Variants in BANP observed in about 807,000 individuals in gnomAD.
BANP encodes protein BANP.
A neutral mutation model predicts 68.1 loss-of-function variants in BANP; 11 were observed. That is an observed-to-expected ratio of 0.16 (90% CI 0.10 to 0.27). The LOEUF (loss-of-function observed/expected upper bound fraction) is 0.27. Among genes scored for constraint, BANP ranks in the 10% least tolerant of loss-of-function variants. The pLI, the probability that BANP is intolerant of heterozygous loss-of-function variation, is 1.00. For missense variants in BANP, 504 were observed against 722.7 expected, an observed-to-expected ratio of 0.70 and a Z score of 3.47; for synonymous variants, 329 against 303.2, an observed-to-expected ratio of 1.09 and a Z score of -0.88.
intron 4 of BANP, 22 bp downstream of exon 4, chr16:87,984,281 G>A (rs768787794): frequency 2.5e-4 from 382 of 1,548,174 alleles, no homozygotes; most frequent in African/African-American, 5.1e-4. Flanking sequence ...CCAGGGTGCC[G>A]GGGCCTTCAG....
rs1419660950 is a variant in BANP, at chr16:88,004,659, G to A, written c.479+248G>A. ...GACTTCTGTGTCTCGTGCTGGCCGG[G>A]GTTGTGGAGGGGGCTGGCTCTGTCT... On this transcript the variant is annotated intron_variant, in intron 5 of 13. Transcript: ENST00000682872. The surrounding 1 kb of genome is among the most constrained non-coding windows in gnomAD (Gnocchi z 7.0). Among the ~76,000 whole-genome samples the A allele has an allele frequency of 6.6e-6, 1 of 152,170 alleles. No individual in the cohort carries two copies. The highest frequency in any genetic ancestry group is 2.4e-5 in the African/African-American group (1 of 41,438).
chr16:88,066,907 C>T (rs573556675), intron 12 of BANP, among the ~76,000 whole-genome samples: 9 of 152,300 alleles, frequency 5.9e-5, no homozygotes, highest in African/African-American at 1.2e-4. Flanking sequence ...AGTGGCTGTG[C>T]GAGGCTGGGT....
chr16:87,961,446 G>A (rs544909520), intron 1 of BANP, among the ~76,000 whole-genome samples: 3 of 143,304 alleles, frequency 2.1e-5, no homozygotes, highest in African/African-American at 7.6e-5. Context: ...GATTACGGGC[G>A]TGAGCCACTT....
At chr16:87,963,211 G>C (rs570374581) in intron 1 of BANP, among the ~76,000 whole-genome samples, 1 of 152,172 alleles carries the variant, frequency 6.6e-6, no homozygotes, top group Admixed American at 6.5e-5. Flanking sequence ...CTTGGTGGCC[G>C]TGGTCCCTTC....
chr16:88,046,832 C>T (rs892752441), intron 11 of BANP, among the ~76,000 whole-genome samples: 2 of 151,932 alleles, frequency 1.3e-5, no homozygotes, highest in Non-Finnish European at 2.9e-5. Context: ...TTTAGGAGGC[C>T]GAGGCGGGCA....
chr16:88,012,719 G>C (rs958487431), intron 6 of BANP, among the ~76,000 whole-genome samples: 1 of 152,204 alleles, frequency 6.6e-6, no homozygotes, highest in African/African-American at 2.4e-5. Flanking sequence ...ACAACACACA[G>C]ATAACATTTG....
intron 4 of BANP, among the ~76,000 whole-genome samples, chr16:87,985,469 G>T (rs1266222040): frequency 6.6e-6 from 1 of 152,146 alleles, no homozygotes; most frequent in Non-Finnish European, 1.5e-5. Flanking sequence ...CAGGTCAGGT[G>T]TGCAAAGCTG....
At chr16:88,026,570 TA>T (rs1368261140) in intron 7 of BANP, among the ~76,000 whole-genome samples, 1 of 150,388 alleles carries the variant, frequency 6.6e-6, no homozygotes, top group Non-Finnish European at 1.5e-5. Flanking sequence ...GGGAACAGAA[TA>T]ACAATACATG....
At chr16:88,056,884 C>T (rs543758674) in intron 11 of BANP, among the ~76,000 whole-genome samples, 44 of 152,322 alleles carry the variant, frequency 2.9e-4, no homozygotes, top group African/African-American at 1.0e-3. Context: ...TTATATGATG[C>T]ACACATTGAA....
At chr16:87,959,464 C>G (rs1464522692) in intron 1 of BANP, among the ~76,000 whole-genome samples, 1 of 152,112 alleles carries the variant, frequency 6.6e-6, no homozygotes, top group Non-Finnish European at 1.5e-5. Context: ...TGGGGAGAGG[C>G]CTGGGCCCTG....
intron 6 of BANP, among the ~76,000 whole-genome samples, chr16:88,006,976 T>C (rs368127037): frequency 1.1e-3 from 162 of 147,488 alleles, no homozygotes; most frequent in African/African-American, 3.9e-3. Context: ...AAAAAGATAG[T>C]GATACAGTAT....
intron 11 of BANP, among the ~76,000 whole-genome samples, chr16:88,054,586 ACAGCACCAGCAC>A (rs377637408): frequency 6.6e-6 from 1 of 152,172 alleles, no homozygotes; most frequent in Non-Finnish European, 1.5e-5. Flanking sequence ...ACAGCCATCA[ACAGCACCAGCAC>A]CAGCACCAGC....
rs565541292 is a variant in BANP at position 87,951,813 on chromosome 16, C to T, written c.-69+298C>T. Among the ~76,000 whole-genome samples, 35 of 152,154 alleles carry T rather than the reference C, an allele frequency of 2.3e-4. No individual in the cohort carries two copies. In the South Asian group the frequency reaches 4.1e-3, roughly 18 times the overall value. On this transcript the variant is annotated intron_variant, in intron 1 of 13. Coordinates refer to ENST00000682872, the MANE Select transcript of BANP (RefSeq NM_001386991.1). ...CGGCCCGGGGGCCTCGCGCTCCCGA[C>T]CTCTGTCCCGGGCCTCGCCCCGCGG...
In BANP at chr16:88,051,451, C is replaced by G. The variant is rs1463667748; in HGVS notation, c.1311+13440C>G. On this transcript the variant is annotated intron_variant, in intron 11 of 13. Transcript: ENST00000682872. ...AGAAAGTATGGGGTTTGCGGGAGCC[C>G]ATGCCTCCTTCGGGCTCAGCCTCGG... 2.6e-5 allele frequency among the ~76,000 whole-genome samples: 4 copies of G among 152,228 alleles called. No individual in the cohort carries two copies. The East Asian group carries it at 5.8e-4, about 22-fold the overall frequency.
chr16:87,999,461 T>C (rs1253388639), intron 4 of BANP, among the ~76,000 whole-genome samples: 9 of 10,280 alleles, frequency 8.8e-4, no homozygotes, highest in East Asian at 3.8e-3. Flanking sequence ...CGGCTGGACT[T>C]ACCTGTCCTT....
chr16:88,012,700 CG>C (rs1282279109), intron 6 of BANP, among the ~76,000 whole-genome samples: 1 of 152,172 alleles, frequency 6.6e-6, no homozygotes. Flanking sequence ...GTTAGGGCTT[CG>C]GTCTTGGACA....
At chr16:88,051,885 G>A (rs1448724885) in intron 11 of BANP, among the ~76,000 whole-genome samples, 1 of 152,168 alleles carries the variant, frequency 6.6e-6, no homozygotes, top group Non-Finnish European at 1.5e-5. Flanking sequence ...CATTTCTGTG[G>A]TATCGTTTGC....
At chr16:88,066,199 C>T (rs1040914568) in intron 12 of BANP, among the ~76,000 whole-genome samples, 1 of 152,186 alleles carries the variant, frequency 6.6e-6, no homozygotes, top group African/African-American at 2.4e-5. Flanking sequence ...GCCAGGGGAT[C>T]CCTCAGGTAC....
At position 87,975,854 on chromosome 16, in the gene BANP, T is replaced by C. The variant is rs12445321; in HGVS notation, c.70+669T>C. Among the ~76,000 whole-genome samples, 138 of 69,946 alleles carry C rather than the reference T, an allele frequency of 2.0e-3. 6 individuals carry two copies. Among genetic ancestry groups the C allele is most frequent in the Admixed American group, 0.015 (112 of 7,662 alleles). 45.9% of individuals were successfully genotyped at this position (69,946 alleles called of 152,430 possible). Reference sequence around the variant, plus strand: ...TGTTGTGTGTGTAATCCCCTGTGTGTGGCGTCATGGAACCTTACCATGTGG... The same window carrying C: ...TGTTGTGTGTGTAATCCCCTGTGTGCGGCGTCATGGAACCTTACCATGTGG... On this transcript the variant is annotated intron_variant, in intron 2 of 13. Coordinates refer to ENST00000682872, the MANE Select transcript of BANP (RefSeq NM_001386991.1).
Sources: allele counts gnomAD v4.1 joint callset (sites outside exome capture counted in the v4.1 genomes callset), GRCh38; gene constraint gnomAD v4.1.1; non-coding constraint Gnocchi (gnomAD v3.1); transcripts MANE v1.5; gene names NCBI Gene and HGNC (gene_info 2026-07-23, HGNC 2026-07-21).